The following PCDHGB7 variants were observed in gnomAD, a reference collection of about 807,000 sequenced individuals.
The protein encoded by PCDHGB7 is protocadherin gamma-B7.
In PCDHGB7, 37 loss-of-function variants were observed where a neutral mutation model predicts 61.4. The observed-to-expected ratio is 0.60, with a 90% CI of 0.46 to 0.79. The LOEUF (loss-of-function observed/expected upper bound fraction) is 0.79, where lower values mean the gene tolerates loss of function less well. Ranked by LOEUF, PCDHGB7 falls within the 30% of genes least tolerant of loss-of-function variation. The probability of loss-of-function intolerance (pLI) is 0.00; values close to 1 mark genes in which losing one functional copy is unlikely to be tolerated. For missense variants in PCDHGB7, 1,166 were observed against 1,202.5 expected, an observed-to-expected ratio of 0.97 and a Z score of 0.45; for synonymous variants, 464 against 503.5, an observed-to-expected ratio of 0.92 and a Z score of 1.05.
chr5:141,426,718 C>G, intron 1 of PCDHGB7: 1 of 446,166 alleles, frequency 2.2e-6, no homozygotes, highest in Non-Finnish European at 4.6e-6. Flanking sequence ...AATGAACTAG[C>G]AATTCCAGGC....
At chr5:141,468,953 T>G (rs182999574) in intron 1 of PCDHGB7, among the ~76,000 whole-genome samples, 1,938 of 89,156 alleles carry the variant, frequency 0.022, 22 homozygotes, top group Non-Finnish European at 0.033. Flanking sequence ...AAACCTGTGG[T>G]TTTTTTTACC....
At chr5:141,422,032 G>A in intron 1 of PCDHGB7, 1 of 1,611,280 alleles carries the variant, frequency 6.2e-7, no homozygotes, top group Non-Finnish European at 8.5e-7. Context: ...TAATGCAACG[G>A]ATCCAGACGA....
intron 1 of PCDHGB7, among the ~76,000 whole-genome samples, chr5:141,472,980 C>CAAAAAAAAAAAAAAAAGAAAAAAA (rs2099308501): frequency 2.3e-5 from 2 of 86,104 alleles, no homozygotes; most frequent in African/African-American, 7.8e-5. Flanking sequence ...GAGTGAAACT[C>CAAAAAAAAAAAAAAAAGAAAAAAA]AAAAAAAAAA....
At chr5:141,463,728 G>C (rs957615020) in intron 1 of PCDHGB7, among the ~76,000 whole-genome samples, 3 of 152,066 alleles carry the variant, frequency 2.0e-5, no homozygotes, top group African/African-American at 7.2e-5. Context: ...TTACAGGCAT[G>C]AGCCACCGCG....
chr5:141,485,949 T>C lies in PCDHGB7; in HGVS notation c.2416-8858T>C. Reference sequence around the variant, plus strand: ...GTGTTGGAGAGCGCACCAGCGGGCATGGTGCTCATCCAGCTCAATGCCTCA... The same window carrying C: ...GTGTTGGAGAGCGCACCAGCGGGCACGGTGCTCATCCAGCTCAATGCCTCA... On this transcript the variant is annotated intron_variant, in intron 1 of 3. Transcript: ENST00000398594. This position sits in a 1 kb window ranked among gnomAD's most constrained non-coding sequence, Gnocchi z 5.7. 2 of 1,614,178 alleles carry C rather than the reference T, an allele frequency of 1.2e-6. No individual in the cohort carries two copies.
In PCDHGB7 at chr5:141,477,696, A is replaced by T. The variant is rs778604051; in HGVS notation, c.2416-17111A>T. The T allele has an allele frequency of 2.1e-5, 34 of 1,614,054 alleles. No individual in the cohort carries two copies. Among genetic ancestry groups the T allele is most frequent in the Non-Finnish European group, 2.9e-5 (34 of 1,180,044 alleles). On this transcript the variant is annotated intron_variant, in intron 1 of 3. Transcript: ENST00000398594. This position sits in a 1 kb window ranked among gnomAD's most constrained non-coding sequence, Gnocchi z 4.9. ...GTGTCATCCTTAGTGCCCCTAGACT[A>T]TGAGGATCGGCGGGAATTTGAATTA...
chr5:141,431,748 G>T lies in PCDHGB7; in HGVS notation c.2415+11474G>T. 1 of 1,614,196 alleles carries T rather than the reference G, an allele frequency of 6.2e-7. No homozygotes were observed. Among genetic ancestry groups the T allele is most frequent in the Non-Finnish European group, 8.5e-7 (1 of 1,180,042 alleles). Reference sequence around the variant, plus strand: ...ATGGATAATGCAGGATATTCTGCGCGAGCCAAAGTCCTGATCACTGTTCTG... The same window carrying T: ...ATGGATAATGCAGGATATTCTGCGCTAGCCAAAGTCCTGATCACTGTTCTG... On this transcript the variant is annotated intron_variant, in intron 1 of 3. Transcript: ENST00000398594. This position sits in a 1 kb window ranked among gnomAD's most constrained non-coding sequence, Gnocchi z 4.8.
At chr5:141,478,442 C>T in intron 1 of PCDHGB7, 1 of 1,613,608 alleles carries the variant, frequency 6.2e-7, no homozygotes, top group Non-Finnish European at 8.5e-7. Flanking sequence ...GCTGAAGAAA[C>T]CTGGTGCAGC....
At chr5:141,467,208 A>G (rs1272958649) in intron 1 of PCDHGB7, among the ~76,000 whole-genome samples, 1 of 152,064 alleles carries the variant, frequency 6.6e-6, no homozygotes, top group East Asian at 1.9e-4. Flanking sequence ...ACATGCCACC[A>G]TGCCTGGCTA....
chr5:141,462,198 G>C (rs2099034283), intron 1 of PCDHGB7, among the ~76,000 whole-genome samples: 1 of 152,182 alleles, frequency 6.6e-6, no homozygotes, highest in Non-Finnish European at 1.5e-5. Context: ...GACCTCAGGT[G>C]ATCCGCCTGC....
chr5:141,421,443 GAC>G (rs771422215), intron 1 of PCDHGB7: 47 of 1,613,988 alleles, frequency 2.9e-5, no homozygotes, highest in Non-Finnish European at 3.6e-5. Context: ...CCAGAGGGAA[GAC>G]ACAGCTTTTC....
chr5:141,499,486 C>T (rs569172977), intron 2 of PCDHGB7, among the ~76,000 whole-genome samples: 3 of 152,284 alleles, frequency 2.0e-5, no homozygotes, highest in East Asian at 1.9e-4. Context: ...CCACCAACTA[C>T]AGTTTAATAT....
At chr5:141,425,391 A>G (rs2096872046) in intron 1 of PCDHGB7, among the ~76,000 whole-genome samples, 1 of 152,238 alleles carries the variant, frequency 6.6e-6, no homozygotes, top group South Asian at 2.1e-4. Flanking sequence ...AGGTAGTGAT[A>G]AAGTTCTGTT....
In PCDHGB7 at chr5:141,511,352, C is replaced by A. The variant is rs2099883742; in HGVS notation, c.*179C>A. The A allele has an allele frequency of 3.6e-6, 5 of 1,381,248 alleles. No homozygotes were observed. The highest frequency in any genetic ancestry group is 2.7e-4 in the Middle Eastern group (1 of 3,772). 85.6% of individuals were successfully genotyped at this position (1,381,248 alleles called of 1,614,324 possible). ...CAGTCAGCACCTACCCCTTCCCCCCCAGGGGGTTGAATATGCAAAAGCAGT... is the reference window on the plus strand; with the variant it reads ...CAGTCAGCACCTACCCCTTCCCCCCAAGGGGGTTGAATATGCAAAAGCAGT... On this transcript the variant is annotated 3_prime_UTR_variant, in exon 4 of 4. Coordinates refer to ENST00000398594, the MANE Select transcript of PCDHGB7 (RefSeq NM_018927.4).
rs1266068276 is a variant in PCDHGB7 at position 141,418,847 on chromosome 5, C to T, written c.988C>T (p.Arg330Trp). 1.2e-6 allele frequency: 2 copies of T among 1,613,972 alleles called. No individual in the cohort carries two copies. The highest frequency in any genetic ancestry group is 1.3e-5 in the African/African-American group (1 of 75,054). The change falls in exon 1 of 4, where the codon CGG becomes TGG. Residue 330 changes from arginine to tryptophan, a missense_variant. Transcript: ENST00000398594. ...AAAAGACCGAGGATCTCTCTCAACACGGTGTAAAGTAATTGTAGAAGTTGT... is the reference window on the plus strand; with the variant it reads ...AAAAGACCGAGGATCTCTCTCAACATGGTGTAAAGTAATTGTAGAAGTTGT... ...EAKDRGSLST[R>W]CKVIVEVVDE... is the part of the protein sequence containing the mutation.
At chr5:141,437,016 T>G (rs1025489534) in intron 1 of PCDHGB7, among the ~76,000 whole-genome samples, 1 of 152,254 alleles carries the variant, frequency 6.6e-6, no homozygotes, top group Non-Finnish European at 1.5e-5. Flanking sequence ...TTAGATAATT[T>G]CACCAGAAAA....
rs1596285501 is a variant in PCDHGB7, at chr5:141,510,367, C to A, written c.2564-580C>A. Among the ~76,000 whole-genome samples the A allele has an allele frequency of 5.0e-5, 7 of 140,362 alleles. 1 individual carries two copies. In the South Asian group the frequency reaches 1.6e-3, roughly 31 times the overall value. The allele number at this position is 140,362 out of a possible 152,430, so 92.1% of individuals were successfully genotyped here. A position where few individuals can be genotyped will look rare whatever the true frequency, so the allele number is the denominator to read the frequency against. On this transcript the variant is annotated intron_variant, in intron 3 of 3. Transcript: ENST00000398594. ...ACACTTACTAACGGAACTACCGAAT[C>A]TCTACTCGTGCCAGGCCTTGCTTGG...
Position 141,419,013 on chromosome 5 carries a change from G to A in PCDHGB7, c.1154G>A (p.Ser385Asn). ...DSGENGEVRC[S>N]LSRGVPFKIH... ...GGGGAAAATGGGGAAGTCAGGTGTAGCTTAAGTAGAGGTGTTCCATTTAAG... is the reference window on the plus strand; with the variant it reads ...GGGGAAAATGGGGAAGTCAGGTGTAACTTAAGTAGAGGTGTTCCATTTAAG... Residue 385 changes from serine (S) to asparagine (N), a missense_variant, in exon 1 of 4, where the codon AGC (serine) becomes AAC (asparagine). Physicochemically the swap from Ser to Asn is conservative, Grantham distance 46 (BLOSUM62 1). Coordinates refer to ENST00000398594, the MANE Select transcript of PCDHGB7 (RefSeq NM_018927.4). 1.2e-6 allele frequency: 2 copies of A among 1,613,958 alleles called. No individual in the cohort carries two copies. The highest frequency in any genetic ancestry group is 2.2e-5 in the South Asian group (2 of 91,084).
In PCDHGB7 at chr5:141,491,257, G is replaced by A. The variant is rs754721047; in HGVS notation, c.2416-3550G>A. 2 of 1,614,170 alleles carry A rather than the reference G, an allele frequency of 1.2e-6. No individual in the cohort carries two copies. The highest frequency in any genetic ancestry group is 3.3e-5 in the Admixed American group (2 of 60,020). On this transcript the variant is annotated intron_variant, in intron 1 of 3. Coordinates refer to ENST00000398594, the MANE Select transcript of PCDHGB7 (RefSeq NM_018927.4). This position sits in a 1 kb window ranked among gnomAD's most constrained non-coding sequence, Gnocchi z 6.9. ...GGTTCTGGAGGATGAGGACCCTGAG[G>A]AAATGCCCAAATCCAGTGACTTCCT... is the stretch of plus-strand genomic sequence containing the variant.
Sources: allele counts gnomAD v4.1 joint callset (sites outside exome capture counted in the v4.1 genomes callset), GRCh38; gene constraint gnomAD v4.1.1; non-coding constraint Gnocchi (gnomAD v3.1); transcripts MANE v1.5; gene names NCBI Gene and HGNC (gene_info 2026-07-23, HGNC 2026-07-21).